Variants in TFDP2 observed in about 807,000 individuals in gnomAD.
TFDP2 encodes transcription factor Dp-2 (E2F dimerization partner 2).
Under a neutral mutation model 59.3 loss-of-function variants are expected in TFDP2, and 17 were observed. The observed-to-expected ratio is 0.29, with a 90% confidence interval of 0.20 to 0.43. The LOEUF (loss-of-function observed/expected upper bound fraction) is 0.43, where lower values mean the gene tolerates loss of function less well. Ranked by LOEUF, TFDP2 falls within the 20% of genes least tolerant of loss-of-function variation. TFDP2 has a pLI of 1.00. For synonymous variants in TFDP2, 180 were observed against 194.7 expected, an observed-to-expected ratio of 0.92 and a Z score of 0.63; for missense variants, 391 against 528.8, an observed-to-expected ratio of 0.74 and a Z score of 2.56.
intron 3 of TFDP2, among the ~76,000 whole-genome samples, chr3:142,066,864 C>G (rs1434479939): frequency 3.3e-5 from 5 of 152,164 alleles, no homozygotes; most frequent in Non-Finnish European, 7.3e-5. Context: ...ATATAAAAAT[C>G]AATCAATGTA....
intron 3 of TFDP2, among the ~76,000 whole-genome samples, chr3:142,087,503 CTTTTT>C (rs377083897): frequency 7.0e-6 from 1 of 142,004 alleles, no homozygotes; most frequent in Non-Finnish European, 1.5e-5. Context: ...TACTTCTTTT[CTTTTT>C]TTTTTTTTTT....
rs759658026 is a variant in TFDP2 at position 141,949,807 on chromosome 3, A to ATTTTTTTTTTTTTTTTTT, written c.*2688_*2705dup. The ATTTTTTTTTTTTTTTTTT allele has an allele frequency of 1.0e-5, 1 of 98,030 alleles. No homozygotes were observed. Among genetic ancestry groups the ATTTTTTTTTTTTTTTTTT allele is most frequent in the Non-Finnish European group, 1.8e-5 (1 of 54,594 alleles). 6.1% of individuals were successfully genotyped at this position (98,030 alleles called of 1,614,324 possible). ...CCTGGGCATTGTGACCACAACTTCCATTTTTTTTTTTTTTTTTTTTGAGAC... is the reference window on the plus strand; with the variant it reads ...CCTGGGCATTGTGACCACAACTTCCATTTTTTTTTTTTTTTTTTTTTTTTTTTTTTTTTTTTTTGAGAC... On this transcript the variant is annotated 3_prime_UTR_variant, in exon 13 of 13. Coordinates refer to ENST00000489671, the MANE Select transcript of TFDP2 (RefSeq NM_001178139.2).
intron 1 of TFDP2, among the ~76,000 whole-genome samples, chr3:142,124,177 A>G (rs956062004): frequency 2.6e-5 from 4 of 152,204 alleles, no homozygotes; most frequent in Admixed American, 2.6e-4. Flanking sequence ...CCCCAAATTA[A>G]TCTATGAATA....
chr3:142,029,727 C>A (rs1182337032), intron 3 of TFDP2, among the ~76,000 whole-genome samples: 5 of 152,112 alleles, frequency 3.3e-5, no homozygotes, highest in Admixed American at 6.5e-5. Context: ...AGATAATTTA[C>A]CAAGGTATGT....
Position 141,959,039 on chromosome 3 carries a change from A to G in TFDP2, c.1051+635T>C, listed in dbSNP as rs60531463. 3.6e-3 allele frequency among the ~76,000 whole-genome samples: 487 copies of G among 136,104 alleles called. 7 individuals are homozygous for G. Among genetic ancestry groups the G allele is most frequent in the African/African-American group, 0.013 (443 of 35,314 alleles). The allele number at this position is 136,104 out of a possible 152,430, so 89.3% of individuals were successfully genotyped here. The stretch of plus-strand genomic sequence containing the variant: ...GCGATCTCAGCTCATTGCAACCTCC[A>G]CCTCCCAGGTTCAAGTGATTCTCCT... On this transcript the variant is annotated intron_variant, in intron 11 of 12. Coordinates refer to ENST00000489671, the MANE Select transcript of TFDP2 (RefSeq NM_001178139.2).
rs1559937689 is a variant in TFDP2, at chr3:141,968,453, CTCATATATAGAT to C, written c.732+1608_732+1619del. Among the ~76,000 whole-genome samples, 88 of 92,074 alleles carry C rather than the reference CTCATATATAGAT, an allele frequency of 9.6e-4. 4 individuals carry two copies. The highest frequency in any genetic ancestry group is 4.2e-3 in the African/African-American group (85 of 20,234). The allele number at this position is 92,074 out of a possible 152,430, so 60.4% of individuals were successfully genotyped here. On this transcript the variant is annotated intron_variant, in intron 9 of 12. Transcript: ENST00000489671. Reference sequence around the variant, plus strand: ...ATATAGATATATATAACATATATATCTCATATATAGATATATATATAACATATATATATCTCA... The same window carrying C: ...ATATAGATATATATAACATATATATCATATATATAACATATATATATCTCA...
chr3:142,067,592 A>T (rs2060113481), intron 3 of TFDP2, among the ~76,000 whole-genome samples: 1 of 152,182 alleles, frequency 6.6e-6, no homozygotes, highest in Non-Finnish European at 1.5e-5. Flanking sequence ...AAAATCCTGC[A>T]AGTTACTTTG....
At chr3:142,063,202 A>C (rs1455476722) in intron 3 of TFDP2, among the ~76,000 whole-genome samples, 3 of 152,244 alleles carry the variant, frequency 2.0e-5, no homozygotes, top group Non-Finnish European at 4.4e-5. Flanking sequence ...TCATAATCTC[A>C]CATTCTAAAG....
chr3:142,134,179 C>T (rs184686469), intron 1 of TFDP2, among the ~76,000 whole-genome samples: 58 of 151,610 alleles, frequency 3.8e-4, no homozygotes, highest in African/African-American at 1.3e-3. Context: ...CCAGCTACAC[C>T]GAAGGCAGAG....
intron 3 of TFDP2, among the ~76,000 whole-genome samples, chr3:142,043,077 C>T (rs1298673910): frequency 2.0e-5 from 3 of 147,470 alleles, no homozygotes; most frequent in Non-Finnish European, 4.5e-5. Flanking sequence ...GACGGAGTCT[C>T]GCTCTGTCGC....
rs1309610896 is a variant in TFDP2, at chr3:141,973,102, TATATATATATATATATA to T, written c.663+929_663+945del. Among the ~76,000 whole-genome samples, 12 of 98,308 alleles carry T rather than the reference TATATATATATATATATA, an allele frequency of 1.2e-4. No individual in the cohort carries two copies. In the East Asian group the frequency reaches 2.9e-3, roughly 24 times the overall value. 64.5% of individuals were successfully genotyped at this position (98,308 alleles called of 152,430 possible). A position where few individuals can be genotyped will look rare whatever the true frequency, so the allele number is the denominator to read the frequency against. Reference sequence around the variant, plus strand: ...TCTCCCAAAGCTATGTGTATATATATATATATATATATATATATATATTTTTTTTTTTTAAAGATGGA... The same window carrying T: ...TCTCCCAAAGCTATGTGTATATATATTATATTTTTTTTTTTTAAAGATGGA... On this transcript the variant is annotated intron_variant, in intron 8 of 12. Transcript: ENST00000489671.
At chr3:142,096,416 T>C (rs1429315922) in intron 2 of TFDP2, among the ~76,000 whole-genome samples, 3 of 152,310 alleles carry the variant, frequency 2.0e-5, no homozygotes, top group African/African-American at 7.2e-5. Flanking sequence ...TATCTTTCAA[T>C]GAACAAGAGA....
chr3:142,055,250 T>C (rs997261820), intron 3 of TFDP2, among the ~76,000 whole-genome samples: 8 of 152,078 alleles, frequency 5.3e-5, no homozygotes, highest in Admixed American at 1.3e-4. Context: ...TAGTAATCCA[T>C]CTCAGTAAGA....
At chr3:142,034,867 C>T (rs1222128955) in intron 3 of TFDP2, among the ~76,000 whole-genome samples, 2 of 152,096 alleles carry the variant, frequency 1.3e-5, no homozygotes, top group African/African-American at 4.8e-5. Flanking sequence ...GCCACCACAC[C>T]CAGCTAATTT....
intron 3 of TFDP2, among the ~76,000 whole-genome samples, chr3:142,014,673 A>G (rs964636893): frequency 6.6e-6 from 1 of 152,274 alleles, no homozygotes; most frequent in South Asian, 2.1e-4. Flanking sequence ...AAAAAAATAC[A>G]GGTAGTTCAT....
intron 1 of TFDP2, among the ~76,000 whole-genome samples, chr3:142,148,639 A>G (rs1027319441): frequency 1.3e-5 from 2 of 152,204 alleles, no homozygotes; most frequent in African/African-American, 2.4e-5. Flanking sequence ...ATCCTAGGAA[A>G]ACCCTTACAC....
chr3:142,072,258 T>C (rs1170547964), intron 3 of TFDP2, among the ~76,000 whole-genome samples: 1 of 152,236 alleles, frequency 6.6e-6, no homozygotes, highest in Non-Finnish European at 1.5e-5. Flanking sequence ...TATTATAATA[T>C]GTATCATTAC....
At chr3:142,100,434 G>C (rs1029660099) in intron 2 of TFDP2, among the ~76,000 whole-genome samples, 1 of 152,162 alleles carries the variant, frequency 6.6e-6, no homozygotes, top group African/African-American at 2.4e-5. Context: ...GTGCAATGGG[G>C]TAATCTCAGC....
chr3:141,965,574 G>GGGAAGA (rs1937887739), intron 9 of TFDP2, among the ~76,000 whole-genome samples: 1 of 146,574 alleles, frequency 6.8e-6, no homozygotes, highest in Admixed American at 6.8e-5. Context: ...GAAGGGGAAG[G>GGGAAGA]GGAAGGGGAA....
Sources: allele counts gnomAD v4.1 joint callset (sites outside exome capture counted in the v4.1 genomes callset), GRCh38; gene constraint gnomAD v4.1.1; transcripts MANE v1.5; gene names NCBI Gene and HGNC (gene_info 2026-07-23, HGNC 2026-07-21).